The following DOCK3 variants were observed in gnomAD, a reference collection of about 807,000 sequenced individuals.
DOCK3 encodes dedicator of cytokinesis protein 3.
Under a neutral mutation model 265.6 loss-of-function variants are expected in DOCK3, and 60 were observed. That is an observed-to-expected ratio of 0.23 (90% confidence interval 0.18 to 0.28). The LOEUF is 0.28. Among genes scored for constraint, DOCK3 ranks in the 10% least tolerant of loss-of-function variants. DOCK3 has a pLI of 1.00. For missense variants in DOCK3, 1,981 were observed against 2,594.3 expected (o/e 0.76, Z 5.14); for synonymous variants, 881 against 938.0 (o/e 0.94, Z 1.11).
At chr3:50,696,903 T>C (rs1013393095) in intron 1 of DOCK3, among the ~76,000 whole-genome samples, 2 of 152,014 alleles carry the variant, frequency 1.3e-5, no homozygotes, top group Admixed American at 6.6e-5. Context: ...TTAAAGCTCC[T>C]GATTTTCTGA....
At chr3:50,782,313 C>T (rs1233101546) in intron 2 of DOCK3, among the ~76,000 whole-genome samples, 298 of 41,084 alleles carry the variant, frequency 7.3e-3, no homozygotes, top group Middle Eastern at 0.05. Flanking sequence ...TTTTTTGAGA[C>T]GGAGTCTCGC....
intron 9 of DOCK3, among the ~76,000 whole-genome samples, chr3:51,118,361 G>C (rs1576141779): frequency 6.6e-6 from 1 of 152,150 alleles, no homozygotes; most frequent in East Asian, 1.9e-4. Flanking sequence ...ATTTGCTGAG[G>C]AGTGCTTTAC....
Position 51,314,850 on chromosome 3 carries a change from C to A in DOCK3, c.3254-130C>A, listed in dbSNP as rs2083281601. ...AGTTGAGGGAGAGTACCTCAGAAAA[C>A]CATAGGGGAGAGCTTGTTTTGCTCT... On this transcript the variant is annotated intron_variant, in intron 31 of 52. Coordinates refer to ENST00000266037, the MANE Select transcript of DOCK3 (RefSeq NM_004947.5). The A allele has an allele frequency of 4.3e-6, 5 of 1,168,154 alleles. No individual in the cohort carries two copies. In the South Asian group the frequency reaches 9.7e-5, roughly 23 times the overall value. 72.4% of individuals were successfully genotyped at this position (1,168,154 alleles called of 1,614,324 possible). A position where few individuals can be genotyped will look rare whatever the true frequency, so the allele number is the denominator to read the frequency against.
At chr3:51,216,235 T>C (rs1257131887) in intron 14 of DOCK3, among the ~76,000 whole-genome samples, 2 of 152,176 alleles carry the variant, frequency 1.3e-5, no homozygotes, top group Admixed American at 1.3e-4. Context: ...AAAAATGTAT[T>C]TAAGCAAAAT....
chr3:50,679,500 AAAACAAAC>A (rs141544909), intron 1 of DOCK3, among the ~76,000 whole-genome samples: 1 of 152,116 alleles, frequency 6.6e-6, no homozygotes, highest in Non-Finnish European at 1.5e-5. Flanking sequence ...AAAGCACTTA[AAAACAAAC>A]AAACAAACAA....
At chr3:50,953,886 ATATC>A (rs1266637609) in intron 5 of DOCK3, among the ~76,000 whole-genome samples, 1 of 152,142 alleles carries the variant, frequency 6.6e-6, no homozygotes, top group African/African-American at 2.4e-5. Flanking sequence ...AAACAACTGT[ATATC>A]TACCTATTTT....
intron 38 of DOCK3, among the ~76,000 whole-genome samples, chr3:51,345,627 A>C (rs958730895): frequency 2.6e-5 from 4 of 152,132 alleles, no homozygotes; most frequent in African/African-American, 4.8e-5. Flanking sequence ...GTTTCCAAAA[A>C]AAACAAACAA....
intron 9 of DOCK3, among the ~76,000 whole-genome samples, chr3:51,145,597 TA>T (rs2085263435): frequency 1.3e-5 from 2 of 152,178 alleles, no homozygotes; most frequent in African/African-American, 4.8e-5. Flanking sequence ...AGATTTTTTT[TA>T]TTTTTATTTT....
chr3:50,790,862 T>C (rs1279604005), intron 2 of DOCK3, among the ~76,000 whole-genome samples: 1 of 152,234 alleles, frequency 6.6e-6, no homozygotes, highest in East Asian at 1.9e-4. Context: ...TGCATTTTTC[T>C]AGTGATCAAT....
chr3:51,231,968 G>A (rs1461036803), intron 19 of DOCK3, among the ~76,000 whole-genome samples: 1 of 152,088 alleles, frequency 6.6e-6, no homozygotes, highest in Non-Finnish European at 1.5e-5. Context: ...TCATTCTTCA[G>A]CATGAATAAT....
intron 14 of DOCK3, among the ~76,000 whole-genome samples, chr3:51,219,922 A>G (rs2089989680): frequency 6.6e-6 from 1 of 152,216 alleles, no homozygotes; most frequent in African/African-American, 2.4e-5. Flanking sequence ...CAAACTATCT[A>G]TAGTGATGTC....
intron 15 of DOCK3, 56 bp from the exon 16 acceptor site, chr3:51,227,227 G>C (rs1269926878): frequency 1.9e-6 from 3 of 1,591,102 alleles, no homozygotes; most frequent in Non-Finnish European, 2.6e-6. Flanking sequence ...TAGTGACACA[G>C]AAATCCAGAC....
intron 27 of DOCK3, among the ~76,000 whole-genome samples, chr3:51,298,795 C>T (rs965987985): frequency 6.6e-6 from 1 of 152,150 alleles, no homozygotes; most frequent in African/African-American, 2.4e-5. Context: ...AACCCATTTT[C>T]TTTATCCAGT....
intron 3 of DOCK3, among the ~76,000 whole-genome samples, chr3:50,852,364 T>G (rs1296017122): frequency 6.6e-6 from 1 of 152,224 alleles, no homozygotes; most frequent in Non-Finnish European, 1.5e-5. Flanking sequence ...ATATGTAGCC[T>G]GCGTTTTTGT....
At chr3:51,339,654 A>G (rs1275605315) in intron 37 of DOCK3, among the ~76,000 whole-genome samples, 2 of 152,246 alleles carry the variant, frequency 1.3e-5, no homozygotes, top group African/African-American at 2.4e-5. Flanking sequence ...AAAGCATTTC[A>G]AAGTGGCTGT....
At chr3:51,066,456 G>C (rs1483690915) in intron 6 of DOCK3, among the ~76,000 whole-genome samples, 1 of 152,178 alleles carries the variant, frequency 6.6e-6, no homozygotes, top group African/African-American at 2.4e-5. Context: ...GTCCTCAAAA[G>C]TGTTATCATT....
intron 3 of DOCK3, among the ~76,000 whole-genome samples, chr3:50,857,785 C>A (rs2046676500): frequency 6.6e-6 from 1 of 152,172 alleles, no homozygotes; most frequent in Non-Finnish European, 1.5e-5. Flanking sequence ...ACAACAGATA[C>A]TGGAGAGGAT....
intron 3 of DOCK3, among the ~76,000 whole-genome samples, chr3:50,868,462 T>G (rs1399334533): frequency 6.6e-6 from 1 of 151,930 alleles, no homozygotes. Context: ...AGCTTCAACC[T>G]CCCTGGGCTC....
chr3:51,043,075 A>G (rs1299607992), intron 5 of DOCK3, among the ~76,000 whole-genome samples: 1 of 152,242 alleles, frequency 6.6e-6, no homozygotes, highest in Non-Finnish European at 1.5e-5. Context: ...CATTCTTTAC[A>G]GAACTAGAAA....
Sources: allele counts gnomAD v4.1 joint callset (sites outside exome capture counted in the v4.1 genomes callset), GRCh38; gene constraint gnomAD v4.1.1; transcripts MANE v1.5; gene names NCBI Gene and HGNC (gene_info 2026-07-23, HGNC 2026-07-21).